AGO2: variants seen among roughly 807,000 people sequenced by gnomAD.
AGO2 encodes protein argonaute-2.
Under a neutral mutation model 102.3 loss-of-function variants are expected in AGO2, and 5 were observed. That is an observed-to-expected ratio of 0.05 (90% CI 0.03 to 0.10). AGO2 has a LOEUF of 0.10. Among genes scored for constraint, AGO2 ranks in the 10% least tolerant of loss-of-function variants. AGO2 has a pLI of 1.00. For synonymous variants in AGO2, 449 were observed against 473.1 expected (o/e 0.95, Z 0.66); for missense variants, 541 against 1,183.7 (o/e 0.46, Z 7.97).
intron 1 of AGO2, among the ~76,000 whole-genome samples, chr8:140,607,523 C>A (rs1448580797): frequency 7.7e-6 from 1 of 129,764 alleles, no homozygotes; most frequent in Non-Finnish European, 1.6e-5. Context: ...TATACACACA[C>A]ACACACGTAT....
At chr8:140,547,362 A>G in intron 13 of AGO2, 106 bp downstream of exon 13, 7 of 1,377,124 alleles carry the variant, frequency 5.1e-6, no homozygotes, top group Non-Finnish European at 6.9e-6. Flanking sequence ...TGCTGGGCCC[A>G]GGTGAAGGGA....
chr8:140,586,571 A>G (rs940732184), intron 1 of AGO2, among the ~76,000 whole-genome samples: 5 of 152,206 alleles, frequency 3.3e-5, no homozygotes, highest in African/African-American at 1.2e-4. Flanking sequence ...GGTGTCAGTC[A>G]TCCACAGGAT....
chr8:140,594,059 C>A (rs1326366923), intron 1 of AGO2, among the ~76,000 whole-genome samples: 1 of 152,156 alleles, frequency 6.6e-6, no homozygotes, highest in Non-Finnish European at 1.5e-5. Flanking sequence ...TCTACCTCAA[C>A]GCACGATGCC....
Position 140,537,603 on chromosome 8 carries a change from CA to C in AGO2, c.2169+1716del, listed in dbSNP as rs886623548. Among the ~76,000 whole-genome samples, 31 of 142,360 alleles carry C rather than the reference CA, an allele frequency of 2.2e-4. No homozygotes were observed. The East Asian group carries it at 5.9e-3, about 27-fold the overall frequency. The allele number at this position is 142,360 out of a possible 152,430, so 93.4% of individuals were successfully genotyped here. A position where few individuals can be genotyped will look rare whatever the true frequency, so the allele number is the denominator to read the frequency against. On this transcript the variant is annotated intron_variant, in intron 16 of 18. Transcript: ENST00000220592. ...AGGCGTGAGTCACTACGCCTGGCCC[CA>C]ATTTTTTTTCCTTAGTTTTTCATTT...
At chr8:140,571,219 A>G (rs1025860087) in intron 3 of AGO2, among the ~76,000 whole-genome samples, 1 of 152,184 alleles carries the variant, frequency 6.6e-6, no homozygotes, top group Non-Finnish European at 1.5e-5. Flanking sequence ...GCAGAGCCCT[A>G]TATCGTAACT....
In AGO2 at chr8:140,572,939, CAA is replaced by C; in HGVS notation, c.216-9_216-8del. The C allele has an allele frequency of 2.5e-6, 4 of 1,595,538 alleles. No homozygotes were observed. In the South Asian group the frequency reaches 3.4e-5, roughly 14 times the overall value. On this transcript the variant is annotated splice_region_variant and splice_polypyrimidine_tract_variant and intron_variant, in intron 2 of 18. Transcript: ENST00000220592. Reference sequence around the variant, plus strand: ...CATGTGTTCCACGATTTCCCTGAAACAAAGACAAAAGTCGGGCAAAATGTCAA... The same window carrying C: ...CATGTGTTCCACGATTTCCCTGAAACAGACAAAAGTCGGGCAAAATGTCAA...
chr8:140,553,112 G>A (rs1017150808), intron 10 of AGO2, among the ~76,000 whole-genome samples: 3 of 152,302 alleles, frequency 2.0e-5, no homozygotes, highest in South Asian at 4.2e-4. Flanking sequence ...AGCATTACAC[G>A]CTCAGTCAGG....
intron 1 of AGO2, among the ~76,000 whole-genome samples, chr8:140,595,265 T>TG (rs1294207070): frequency 6.6e-6 from 1 of 152,096 alleles, no homozygotes; most frequent in African/African-American, 2.4e-5. Flanking sequence ...TACTTGTAAG[T>TG]GGGAAAAAGC....
chr8:140,606,928 C>A (rs1259974529), intron 1 of AGO2, among the ~76,000 whole-genome samples: 1 of 151,420 alleles, frequency 6.6e-6, no homozygotes, highest in African/African-American at 2.4e-5. Flanking sequence ...CAGAGCAAGA[C>A]TGCCTCAAAA....
chr8:140,563,265 C>A (rs1395902471), intron 3 of AGO2, among the ~76,000 whole-genome samples: 1 of 152,214 alleles, frequency 6.6e-6, no homozygotes, highest in East Asian at 1.9e-4. Flanking sequence ...CAGGGTCTCA[C>A]TGTGGCCCAG....
intron 2 of AGO2, among the ~76,000 whole-genome samples, chr8:140,573,190 A>G (rs1010681143): frequency 6.6e-6 from 1 of 150,422 alleles, no homozygotes; most frequent in African/African-American, 2.5e-5. Context: ...TTTTTTTGAG[A>G]CGGAGTTTCG....
At chr8:140,543,294 G>A (rs575201020) in intron 14 of AGO2, among the ~76,000 whole-genome samples, 1 of 152,298 alleles carries the variant, frequency 6.6e-6, no homozygotes, top group African/African-American at 2.4e-5. Context: ...AGAATTAGTT[G>A]ATGCATGTGA....
intron 11 of AGO2, among the ~76,000 whole-genome samples, chr8:140,550,639 TG>T (rs2072979207): frequency 6.6e-6 from 1 of 152,182 alleles, no homozygotes; most frequent in Non-Finnish European, 1.5e-5. Context: ...TTTCTTGAGA[TG>T]GGGTCTTGCT....
chr8:140,540,857 C>T lies in AGO2; in HGVS notation c.2034+307G>A, dbSNP rs1564075207. On this transcript the variant is annotated intron_variant, in intron 15 of 18. Transcript: ENST00000220592. The surrounding 1 kb of genome is among the most constrained non-coding windows in gnomAD (Gnocchi z 5.0). ...AAGGCAAAGCCAGGCCCTCGGGAAG[C>T]CCCCAGATGGAGCTCTGCTCTGCAA... is the stretch of plus-strand genomic sequence containing the variant. Among the ~76,000 whole-genome samples the T allele has an allele frequency of 6.6e-6, 1 of 152,166 alleles. No individual in the cohort carries two copies. Among genetic ancestry groups the T allele is most frequent in the Non-Finnish European group, 1.5e-5 (1 of 68,028 alleles).
At position 140,526,331 on chromosome 8, in the gene AGO2, G is replaced by A. The variant is rs1209648668; in HGVS notation, c.*5713C>T. 6.6e-6 allele frequency: 1 copy of A among 152,196 alleles called. No individual in the cohort carries two copies. The highest frequency in any genetic ancestry group is 1.5e-5 in the Non-Finnish European group (1 of 68,040). The allele number at this position is 152,196 out of a possible 1,614,324, so 9.4% of individuals were successfully genotyped here. A position where few individuals can be genotyped will look rare whatever the true frequency, so the allele number is the denominator to read the frequency against. On this transcript the variant is annotated 3_prime_UTR_variant, in exon 19 of 19. Transcript: ENST00000220592. This position sits in a 1 kb window ranked among gnomAD's most constrained non-coding sequence, Gnocchi z 5.2. ...GCTGTTTCAAGATTTTGCCACACCT[G>A]CGCAGGCTCCTGCCAGCCTGAAGGA...
intron 1 of AGO2, among the ~76,000 whole-genome samples, chr8:140,600,543 G>T (rs1207333365): frequency 2.0e-5 from 3 of 152,196 alleles, no homozygotes; most frequent in Non-Finnish European, 4.4e-5. Flanking sequence ...AGCCGGGCGT[G>T]GTGGCGCATG....
intron 16 of AGO2, among the ~76,000 whole-genome samples, chr8:140,536,936 TACA>T (rs2072709119): frequency 6.6e-6 from 1 of 152,246 alleles, no homozygotes; most frequent in Non-Finnish European, 1.5e-5. Context: ...TTTCTTGTTG[TACA>T]ACAAATTCAT....
At chr8:140,553,393 A>C (rs1322915120) in intron 10 of AGO2, among the ~76,000 whole-genome samples, 2 of 148,116 alleles carry the variant, frequency 1.4e-5, no homozygotes, top group Non-Finnish European at 3.0e-5. Context: ...CAAACAAGTT[A>C]CAAGTTTTTT....
At chr8:140,617,218 G>C (rs537535995) in intron 1 of AGO2, among the ~76,000 whole-genome samples, 1 of 151,902 alleles carries the variant, frequency 6.6e-6, no homozygotes, top group Non-Finnish European at 1.5e-5. Context: ...GCTCTCGGGC[G>C]CATTGACCTG....
Sources: allele counts gnomAD v4.1 joint callset (sites outside exome capture counted in the v4.1 genomes callset), GRCh38; gene constraint gnomAD v4.1.1; non-coding constraint Gnocchi (gnomAD v3.1); transcripts MANE v1.5; gene names NCBI Gene and HGNC (gene_info 2026-07-23, HGNC 2026-07-21).